Variants in DNAAF2 observed in about 807,000 individuals in gnomAD.
DNAAF2 encodes the protein protein kintoun.
DNAAF2 carries 58 observed loss-of-function variants against 48.8 expected under a neutral mutation model. The ratio of observed to expected loss-of-function variants is 1.19; its 90% CI spans 0.96 to 1.48. The LOEUF (loss-of-function observed/expected upper bound fraction) is 1.48. Among genes scored for constraint, DNAAF2 ranks in the 40% most tolerant of loss-of-function variants. The pLI is 0.00. For missense variants in DNAAF2, 1,241 were observed against 1,116.1 expected, an observed-to-expected ratio of 1.11 and a Z score of -1.59; for synonymous variants, 567 against 481.2, an observed-to-expected ratio of 1.18 and a Z score of -2.33.
intron 1 of DNAAF2, among the ~76,000 whole-genome samples, chr14:49,631,269 C>A (rs1368311130): frequency 6.6e-6 from 1 of 152,106 alleles, no homozygotes; most frequent in Non-Finnish European, 1.5e-5. Context: ...AAATAATACA[C>A]CAAATATTTT....
chr14:49,633,855 A>C lies in DNAAF2; in HGVS notation c.1295T>G (p.Val432Gly). ...CAAGTCCTGCTCCCCCGGCTTGGGG[A>C]CACGCTCCTCTCCAGCTGCGGCCGG... ...PPPAAAGEERVPKPGEQDLSR... is the reference protein window; with the variant it reads ...PPPAAAGEERGPKPGEQDLSR... Residue 432 changes from valine (V) to glycine (G), a missense_variant, in exon 1 of 3, where the codon GTC (valine) becomes GGC (glycine). By Grantham distance (109) the Val-to-Gly change is moderately radical (BLOSUM62 -3). Transcript: ENST00000298292. 1 of 1,553,974 alleles carries C rather than the reference A, an allele frequency of 6.4e-7. No individual in the cohort carries two copies. Among genetic ancestry groups the C allele is most frequent in the South Asian group, 1.2e-5 (1 of 85,884 alleles).
At chr14:49,632,915 G>GT (rs11299237) in intron 1 of DNAAF2, among the ~76,000 whole-genome samples, 1 of 148,742 alleles carries the variant, frequency 6.7e-6, no homozygotes, top group African/African-American at 2.5e-5. Context: ...ATTTTAAGTT[G>GT]TTTTTTTTTT....
rs779865884 is a variant in DNAAF2 at position 49,634,960 on chromosome 14, C to G, written c.190G>C (p.Gly64Arg). ...AEITALERER[G>R]VEVRFVHPEP... ...GGGTGCACGAACCGCACTTCCACCC[C>G]GCGCTCACGCTCTAGCGCGGTGATC... The change falls in exon 1 of 3, where the codon GGG (glycine) becomes CGG (arginine). Residue 64 changes from glycine to arginine, a missense_variant. Gly to Arg is a moderately radical substitution (Grantham distance 125, BLOSUM62 -2). Transcript: ENST00000298292. 2.7e-5 allele frequency: 42 copies of G among 1,559,936 alleles called. 1 individual carries two copies. In the East Asian group the frequency reaches 2.9e-4, roughly 11 times the overall value.
Position 49,633,804 on chromosome 14 carries a change from CCCGGCGGTGA to C in DNAAF2, c.1336_1345del (p.Ser446AlafsTer86). On this transcript the variant is annotated frameshift_variant, in exon 1 of 3. Transcript: ENST00000298292. LOFTEE classifies it high-confidence loss of function. ...TCCAGGAGATGGCTCCTCCACGCTGCCCGGCGGTGACCCCGCGTGCCTGCTCAAGTCCTGC... is the reference window on the plus strand; with the variant it reads ...TCCAGGAGATGGCTCCTCCACGCTGCCCCCGCGTGCCTGCTCAAGTCCTGC... 1.3e-6 allele frequency: 2 copies of C among 1,589,278 alleles called. No homozygotes were observed. Among genetic ancestry groups the C allele is most frequent in the Non-Finnish European group, 1.7e-6 (2 of 1,174,844 alleles).
rs1238421228 is a variant in DNAAF2, at chr14:49,630,717, CACACACACACACACAAACTCTCT to C, written c.1863+2547_1864-2563del. 3.9e-4 allele frequency among the ~76,000 whole-genome samples: 51 copies of C among 130,832 alleles called. 1 individual carries two copies. The highest frequency in any genetic ancestry group is 7.6e-3 in the Middle Eastern group (2 of 264). The allele number at this position is 130,832 out of a possible 152,430, so 85.8% of individuals were successfully genotyped here. Reference sequence around the variant, plus strand: ...CACACACACATAAACTCTCTACACACACACACACACACACAAACTCTCTACACACACACACACACTTTTTTTTT... The same window carrying C: ...CACACACACATAAACTCTCTACACACACACACACACACACACTTTTTTTTT... On this transcript the variant is annotated intron_variant, in intron 1 of 2. Transcript: ENST00000298292.
intron 1 of DNAAF2, among the ~76,000 whole-genome samples, chr14:49,632,111 T>A (rs1883179097): frequency 6.6e-6 from 1 of 152,262 alleles, no homozygotes; most frequent in Non-Finnish European, 1.5e-5. Flanking sequence ...TTATTGAATA[T>A]TTTCTTAATT....
rs749221435 is a variant in DNAAF2 at position 49,634,132 on chromosome 14, G to T, written c.1018C>A (p.Arg340=). 7.7e-6 allele frequency: 12 copies of T among 1,566,260 alleles called. No homozygotes were observed. The highest frequency in any genetic ancestry group is 1.4e-5 in the African/African-American group (1 of 73,796). Residue 340 remains arginine, a synonymous_variant, in exon 1 of 3, where the codon CGG becomes AGG. Transcript: ENST00000298292. The stretch of plus-strand genomic sequence containing the variant: ...ACTGGCAGCGTAACCACCAGCTGCC[G>T]CCGGGCCTTGTTGAATTGTGCCTTG... ...RGKAQFNKAR[R]QLVVTLPVVL...
In DNAAF2 at chr14:49,628,169, G is replaced by A. The variant is rs1263252223; in HGVS notation, c.1864-14C>T. On this transcript the variant is annotated splice_polypyrimidine_tract_variant and intron_variant, in intron 1 of 2. Transcript: ENST00000298292. ...AAATAACCTTTCCTAAAATAAAAAG[G>A]GAAAAAATATTCTGCCTAATAAGTC... The A allele has an allele frequency of 4.5e-6, 7 of 1,560,532 alleles. No individual in the cohort carries two copies. The highest frequency in any genetic ancestry group is 2.0e-5 in the Admixed American group (1 of 51,244).
rs564215636 is a variant in DNAAF2 at position 49,634,362 on chromosome 14, A to G, written c.788T>C (p.Val263Ala). Residue 263 changes from valine to alanine, a missense_variant, in exon 1 of 3, where the codon GTG (valine) becomes GCG (alanine). By Grantham distance (64) the Val-to-Ala change is moderately conservative. Transcript: ENST00000298292. ...GGAGCAGCGGTAATCCTGGAGGTCC[A>G]CGTGGTGGCGCTGCACCACGCTGTA... Reference protein sequence around the residue: ...PRYSVVQRHHVDLQDYRCSRD... With the variant: ...PRYSVVQRHHADLQDYRCSRD... 4 of 1,607,976 alleles carry G rather than the reference A, an allele frequency of 2.5e-6. No individual in the cohort carries two copies. The African/African-American group carries it at 5.3e-5, about 21-fold the overall frequency.
chr14:49,634,139 CTTG>C lies in DNAAF2; in HGVS notation c.1008_1010del (p.Asn336del). 1 of 1,577,784 alleles carries C rather than the reference CTTG, an allele frequency of 6.3e-7. No individual in the cohort carries two copies. The highest frequency in any genetic ancestry group is 8.6e-7 in the Non-Finnish European group (1 of 1,163,202). On this transcript the variant is annotated inframe_deletion, in exon 1 of 3. Coordinates refer to ENST00000298292, the MANE Select transcript of DNAAF2 (RefSeq NM_018139.3). Reference sequence around the variant, plus strand: ...GCGTAACCACCAGCTGCCGCCGGGCCTTGTTGAATTGTGCCTTGCCGCGGCCAT... The same window carrying C: ...GCGTAACCACCAGCTGCCGCCGGGCCTTGAATTGTGCCTTGCCGCGGCCAT...
At chr14:49,631,310 G>A (rs1883157048) in intron 1 of DNAAF2, among the ~76,000 whole-genome samples, 1 of 152,086 alleles carries the variant, frequency 6.6e-6, no homozygotes, top group Non-Finnish European at 1.5e-5. Context: ...AATATATAGT[G>A]GACATGGTTA....
chr14:49,635,109 T>TCC lies in DNAAF2; in HGVS notation c.39_40dup (p.Asp14GlyfsTer3). 1.3e-6 allele frequency: 2 copies of TCC among 1,573,516 alleles called. No individual in the cohort carries two copies. Among genetic ancestry groups the TCC allele is most frequent in the Non-Finnish European group, 1.7e-6 (2 of 1,160,320 alleles). On this transcript the variant is annotated frameshift_variant, in exon 1 of 3. Transcript: ENST00000298292. LOFTEE classifies it high-confidence loss of function. The stretch of plus-strand genomic sequence containing the variant: ...CCGCTGGACCTCCTCTCCGCTCAGG[T>TCC]CCAAGTCCTCCAGCGACGAGGAGGC...
Position 49,634,700 on chromosome 14 carries a change from C to G in DNAAF2, c.450G>C (p.Ala150=). 1 of 1,606,122 alleles carries G rather than the reference C, an allele frequency of 6.2e-7. No individual in the cohort carries two copies. ...CCTCGTGCCGCCGGGCCAGCGCAAGCGCGTCTGGATGGAAGACCACGTCGT... is the reference window on the plus strand; with the variant it reads ...CCTCGTGCCGCCGGGCCAGCGCAAGGGCGTCTGGATGGAAGACCACGTCGT... ...MVYDVVFHPD[A]LALARRHEGF... is the part of the protein sequence containing the mutation. The change falls in exon 1 of 3, where the codon GCG becomes GCC. Residue 150 remains alanine, a synonymous_variant. Coordinates refer to ENST00000298292, the MANE Select transcript of DNAAF2 (RefSeq NM_018139.3).
intron 1 of DNAAF2, among the ~76,000 whole-genome samples, chr14:49,628,620 A>G (rs543774409): frequency 6.6e-6 from 1 of 152,008 alleles, no homozygotes; most frequent in Admixed American, 6.6e-5. Context: ...ATGCCGGACT[A>G]ATTTTTGTAT....
At chr14:49,632,279 G>A (rs569057462) in intron 1 of DNAAF2, among the ~76,000 whole-genome samples, 1 of 152,026 alleles carries the variant, frequency 6.6e-6, no homozygotes, top group Non-Finnish European at 1.5e-5. Context: ...ACCTTAGCTA[G>A]CCCAGCTATT....
rs779297300 is a variant in DNAAF2 at position 49,633,916 on chromosome 14, C to A, written c.1234G>T (p.Val412Phe). The A allele has an allele frequency of 2.1e-5, 32 of 1,532,456 alleles. No homozygotes were observed. Among genetic ancestry groups the A allele is most frequent in the Non-Finnish European group, 2.8e-5 (32 of 1,145,596 alleles). 94.9% of individuals were successfully genotyped at this position (1,532,456 alleles called of 1,614,324 possible). The change falls in exon 1 of 3, where the codon GTC becomes TTC. Residue 412 changes from valine to phenylalanine, a missense_variant. Transcript: ENST00000298292. ...TCVAGAAGSG[V>F]TTLGDPEVAP... is the part of the protein sequence containing the mutation. ...ACCTCCGGGTCGCCCAGGGTGGTGA[C>A]CCCGGAGCCCGCAGCCCCAGCCACG...
At chr14:49,630,961 G>C (rs186009216) in intron 1 of DNAAF2, among the ~76,000 whole-genome samples, 15 of 152,196 alleles carry the variant, frequency 9.9e-5, no homozygotes, top group Non-Finnish European at 1.8e-4. Context: ...TTGTTGGCCA[G>C]GATGGTCTCA....
chr14:49,632,131 C>T (rs1883179445), intron 1 of DNAAF2, among the ~76,000 whole-genome samples: 1 of 152,214 alleles, frequency 6.6e-6, no homozygotes, highest in Admixed American at 6.5e-5. Flanking sequence ...TGCTTGTCTA[C>T]AAAGTTTTCT....
Position 49,633,870 on chromosome 14 carries a change from G to T in DNAAF2, c.1280C>A (p.Ala427Asp). 4 of 1,539,868 alleles carry T rather than the reference G, an allele frequency of 2.6e-6. No individual in the cohort carries two copies. The highest frequency in any genetic ancestry group is 3.5e-6 in the Non-Finnish European group (4 of 1,149,508). The change falls in exon 1 of 3, where the codon GCT becomes GAT. Residue 427 changes from alanine (A) to aspartate (D), a missense_variant. By Grantham distance (126) the Ala-to-Asp change is moderately radical. Coordinates refer to ENST00000298292, the MANE Select transcript of DNAAF2 (RefSeq NM_018139.3). ...CGGCTTGGGGACACGCTCCTCTCCAGCTGCGGCCGGCGGAGGCGCCACCTC... is the reference window on the plus strand; with the variant it reads ...CGGCTTGGGGACACGCTCCTCTCCATCTGCGGCCGGCGGAGGCGCCACCTC... Reference protein sequence around the residue: ...DPEVAPPPAAAGEERVPKPGE... With the variant: ...DPEVAPPPAADGEERVPKPGE...
Sources: allele counts gnomAD v4.1 joint callset (sites outside exome capture counted in the v4.1 genomes callset), GRCh38; gene constraint gnomAD v4.1.1; transcripts MANE v1.5; gene names NCBI Gene and HGNC (gene_info 2026-07-23, HGNC 2026-07-21).